The following TMEM123 variants were observed in gnomAD, a reference collection of about 807,000 sequenced individuals.
TMEM123 encodes the protein porimin.
Under a neutral mutation model 19.7 loss-of-function variants are expected in TMEM123, and 16 were observed. The observed-to-expected ratio is 0.81, with a 90% CI of 0.55 to 1.23. The LOEUF is 1.23. TMEM123 is among the 50% of genes most tolerant of loss of function. The probability of loss-of-function intolerance (pLI) is 0.00; values close to 1 mark genes in which losing one functional copy is unlikely to be tolerated. For missense variants in TMEM123, 313 were observed against 257.8 expected, an observed-to-expected ratio of 1.21 and a Z score of -1.47; for synonymous variants, 118 against 99.4, an observed-to-expected ratio of 1.19 and a Z score of -1.12.
intron 1 of TMEM123, among the ~76,000 whole-genome samples, chr11:102,450,363 T>A (rs2135868597): frequency 6.6e-6 from 1 of 152,338 alleles, no homozygotes; most frequent in Non-Finnish European, 1.5e-5. Context: ...TTTCTGTCAC[T>A]TGCCACTAAG....
chr11:102,401,685 T>G lies in TMEM123; in HGVS notation c.456A>C (p.Thr152=). 6.3e-7 allele frequency: 1 copy of G among 1,585,880 alleles called. No individual in the cohort carries two copies. Among genetic ancestry groups the G allele is most frequent in the Non-Finnish European group, 8.5e-7 (1 of 1,173,278 alleles). The part of the protein sequence containing the change: ...TSAASSVTIT[T]TMHSEAKKGS... ...CTTTCTTTGCTTCAGAATGCATAGT[T>G]GTTGTGACTAGAACAAAAGAAAACA... is the stretch of plus-strand genomic sequence containing the variant. Residue 152 remains threonine (T), a synonymous_variant, in exon 4 of 5, where the codon ACA becomes ACC. Transcript: ENST00000398136.
chr11:102,431,487 A>G (rs972383963), intron 2 of TMEM123, among the ~76,000 whole-genome samples: 3 of 152,306 alleles, frequency 2.0e-5, no homozygotes, highest in South Asian at 4.1e-4. Flanking sequence ...GAACTAGAAA[A>G]AAGAAAGTTT....
rs77487301 is a variant in TMEM123, at chr11:102,435,437, C to G, written c.157+13375G>C. Among the ~76,000 whole-genome samples the G allele has an allele frequency of 7.2e-5, 11 of 152,000 alleles. No homozygotes were observed. In the East Asian group the frequency reaches 1.9e-3, roughly 27 times the overall value. ...ATACAACGAAAAAACCGTACAACAA[C>G]AAGGACTGGTGAGGATATGAAGAAA... On this transcript the variant is annotated intron_variant, in intron 2 of 4. Coordinates refer to ENST00000398136, the MANE Select transcript of TMEM123 (RefSeq NM_052932.3).
intron 4 of TMEM123, 148 bp downstream of exon 4, chr11:102,401,391 T>G (rs1324016487): frequency 9.5e-6 from 6 of 629,282 alleles, no homozygotes; most frequent in Non-Finnish European, 1.4e-5. Flanking sequence ...ATAAACAATT[T>G]ACTTTGGGCC....
At chr11:102,416,267 CTAAT>C (rs1336775428) in intron 2 of TMEM123, among the ~76,000 whole-genome samples, 2 of 151,842 alleles carry the variant, frequency 1.3e-5, no homozygotes, top group African/African-American at 2.4e-5. Context: ...TCCAGCTAGA[CTAAT>C]AAAGAAAAAA....
intron 2 of TMEM123, among the ~76,000 whole-genome samples, chr11:102,436,660 A>G (rs1857765856): frequency 6.8e-6 from 1 of 148,000 alleles, no homozygotes; most frequent in Admixed American, 6.8e-5. Flanking sequence ...TTTCTTCCTA[A>G]GAACTTCATA....
intron 1 of TMEM123, chr11:102,452,319 T>C (rs547837262): frequency 9.8e-6 from 4 of 408,092 alleles, no homozygotes; most frequent in African/African-American, 8.2e-5. Flanking sequence ...CACCAGGCAA[T>C]TTCCTCAGCA....
At position 102,452,545 on chromosome 11, in the gene TMEM123, G is replaced by A; in HGVS notation, c.79C>T (p.His27Tyr). Reference protein sequence around the residue: ...LQVLALLGAAHESAAMAASAN... With the variant: ...LQVLALLGAAYESAAMAASAN... ...TTACCCGCCATGGCTGCGCTTTCAT[G>A]GGCGGCCCCCAGCAGCGCTAGCACC... Residue 27 changes from histidine to tyrosine, a missense_variant, in exon 1 of 5, where the codon CAT (histidine) becomes TAT (tyrosine). Coordinates refer to ENST00000398136, the MANE Select transcript of TMEM123 (RefSeq NM_052932.3). 6.4e-7 allele frequency: 1 copy of A among 1,561,130 alleles called. No homozygotes were observed. The highest frequency in any genetic ancestry group is 8.6e-7 in the Non-Finnish European group (1 of 1,157,564).
At chr11:102,425,646 T>C (rs897504057) in intron 2 of TMEM123, among the ~76,000 whole-genome samples, 3 of 149,658 alleles carry the variant, frequency 2.0e-5, no homozygotes, top group African/African-American at 4.9e-5. Context: ...TGCAGTGGCA[T>C]GGTTGCAGCT....
intron 4 of TMEM123, among the ~76,000 whole-genome samples, chr11:102,399,739 G>A (rs931330369): frequency 2.0e-5 from 3 of 152,142 alleles, no homozygotes; most frequent in Non-Finnish European, 2.9e-5. Flanking sequence ...GGAGGCCAAG[G>A]TGGGAGGATC....
At chr11:102,423,819 G>C (rs980322080) in intron 2 of TMEM123, among the ~76,000 whole-genome samples, 3 of 152,182 alleles carry the variant, frequency 2.0e-5, no homozygotes, top group Admixed American at 1.3e-4. Flanking sequence ...GTATTGGGAA[G>C]ACAAAGGGAG....
At chr11:102,406,581 G>A (rs1471609806) in intron 2 of TMEM123, among the ~76,000 whole-genome samples, 2 of 152,048 alleles carry the variant, frequency 1.3e-5, no homozygotes, top group Non-Finnish European at 2.9e-5. Context: ...CCTTAAAAAA[G>A]ATAGCTTCCT....
At chr11:102,421,994 G>C (rs1008395067) in intron 2 of TMEM123, among the ~76,000 whole-genome samples, 1 of 152,152 alleles carries the variant, frequency 6.6e-6, no homozygotes, top group Non-Finnish European at 1.5e-5. Flanking sequence ...GAGCTGCTCT[G>C]AGCCTGGTGC....
At chr11:102,426,418 G>A (rs184253538) in intron 2 of TMEM123, among the ~76,000 whole-genome samples, 72 of 151,656 alleles carry the variant, frequency 4.7e-4, no homozygotes, top group Non-Finnish European at 7.7e-4. Context: ...TTTTACGCCC[G>A]CATCACAATT....
At chr11:102,447,387 TCTTGGGCATTTCCTAACCA>T in intron 2 of TMEM123, among the ~76,000 whole-genome samples, 1 of 152,360 alleles carries the variant, frequency 6.6e-6, no homozygotes, top group African/African-American at 2.4e-5. Flanking sequence ...TGTCATGTGA[TCTTGGGCATTTCCTAACCA>T]CTCTTGAGTT....
Position 102,402,156 on chromosome 11 carries a change from T to C in TMEM123, c.208A>G (p.Thr70Ala). The C allele has an allele frequency of 6.2e-7, 1 of 1,614,172 alleles. No homozygotes were observed. The highest frequency in any genetic ancestry group is 8.5e-7 in the Non-Finnish European group (1 of 1,180,022). Residue 70 changes from threonine to alanine, a missense_variant, in exon 3 of 5, where the codon ACT becomes GCT. Transcript: ENST00000398136. ...GCAACTGAAGTTGGTGGTTTCACAG[T>C]ACTGTTGGAAGTTTCATTTGTATGG... ...SDHTNETSNS[T>A]VKPPTSVASD...
At chr11:102,399,432 C>T (rs1951890409) in intron 4 of TMEM123, among the ~76,000 whole-genome samples, 1 of 152,078 alleles carries the variant, frequency 6.6e-6, no homozygotes, top group African/African-American at 2.4e-5. Flanking sequence ...GTGACAGAGC[C>T]ACTGCAAAGC....
Position 102,398,910 on chromosome 11 carries a change from T to TA in TMEM123, c.603-20dup. The stretch of plus-strand genomic sequence containing the variant: ...TTCATCTCTGTAATATATTAAAAGT[T>TA]ACAATTACTTTGTTTTGTTTTTTCT... On this transcript the variant is annotated intron_variant, in intron 4 of 4. Transcript: ENST00000398136. The TA allele has an allele frequency of 6.2e-7, 1 of 1,603,040 alleles. No individual in the cohort carries two copies. Among genetic ancestry groups the TA allele is most frequent in the Middle Eastern group, 1.7e-4 (1 of 6,034 alleles).
intron 2 of TMEM123, among the ~76,000 whole-genome samples, chr11:102,439,528 C>G (rs1857801472): frequency 6.6e-6 from 1 of 152,236 alleles, no homozygotes; most frequent in East Asian, 1.9e-4. Context: ...ACATCCACAC[C>G]AAAACCCCAT....
Sources: gnomAD v4.1 joint callset for allele counts (sites outside exome capture counted in the v4.1 genomes callset) on GRCh38, gnomAD v4.1.1 for gene constraint, MANE v1.5 for transcripts, NCBI Gene and HGNC (gene_info 2026-07-23, HGNC 2026-07-21) for gene names.